BAZ2B: variants seen among roughly 807,000 people sequenced by gnomAD.
The protein encoded by BAZ2B is bromodomain adjacent to zinc finger domain 2B.
In BAZ2B, 91 loss-of-function variants were observed where a neutral mutation model predicts 246.0. The ratio of observed to expected loss-of-function variants is 0.37; its 90% CI spans 0.31 to 0.44. The LOEUF is 0.44. Among genes scored for constraint, BAZ2B ranks in the 20% least tolerant of loss-of-function variants. The pLI, the probability that BAZ2B is intolerant of heterozygous loss-of-function variation, is 1.00. For missense variants in BAZ2B, 2,332 were observed against 2,533.7 expected (o/e 0.92, Z 1.71); for synonymous variants, 855 against 860.0 (o/e 0.99, Z 0.10).
intron 1 of BAZ2B, among the ~76,000 whole-genome samples, chr2:159,595,762 A>G (rs910106703): frequency 1.3e-4 from 20 of 152,260 alleles, no homozygotes; most frequent in Admixed American, 3.9e-4. Context: ...CTATCAGTCC[A>G]TAGCCCACTC....
At chr2:159,651,829 A>G in the BAZ2B span, among the ~76,000 whole-genome samples, 1 of 152,264 alleles carries the variant, frequency 6.6e-6, no homozygotes, top group African/African-American at 2.4e-5. Context: ...CTCCTTTCAC[A>G]TAGCATAAGT....
chr2:159,580,470 C>A (rs181350060), intron 1 of BAZ2B, among the ~76,000 whole-genome samples: 2 of 152,240 alleles, frequency 1.3e-5, no homozygotes, highest in South Asian at 4.2e-4. Flanking sequence ...GAACCAATAT[C>A]GTGAAAATGG....
chr2:159,694,048 A>G, the BAZ2B span: 1 of 152,204 alleles, frequency 6.6e-6, no homozygotes, highest in African/African-American at 2.4e-5. Flanking sequence ...CTAGTACCTT[A>G]GAATGTGATT....
At chr2:159,560,727 C>T (rs1236746914) in intron 1 of BAZ2B, among the ~76,000 whole-genome samples, 1 of 152,028 alleles carries the variant, frequency 6.6e-6, no homozygotes, top group Non-Finnish European at 1.5e-5. Flanking sequence ...GGGATTTCAC[C>T]ATCTTGGCCA....
chr2:159,349,870 G>A lies in BAZ2B; in HGVS notation c.4701C>T (p.Pro1567=). Residue 1567 remains proline, a synonymous_variant, in exon 28 of 37, where the codon CCC becomes CCT. Transcript: ENST00000392783. ...RQWFSLLPRT[P]CDDTSLTHAD... ...CATGAGTAAGTGAAGTGTCATCACA[G>A]GGTGTTCGTGGCAAAAGACTAAACC... 1 of 1,614,186 alleles carries A rather than the reference G, an allele frequency of 6.2e-7. No individual in the cohort carries two copies.
At chr2:159,455,762 G>GTTTTTTTTT (rs759816186) in intron 3 of BAZ2B, among the ~76,000 whole-genome samples, 2 of 97,116 alleles carry the variant, frequency 2.1e-5, no homozygotes, top group Admixed American at 1.1e-4. Flanking sequence ...GAAATATTGT[G>GTTTTTTTTT]GTTTTTTTTT....
At chr2:159,676,068 G>A in the BAZ2B span, among the ~76,000 whole-genome samples, 1 of 152,076 alleles carries the variant, frequency 6.6e-6, no homozygotes, top group Non-Finnish European at 1.5e-5. Context: ...GCTAATATTT[G>A]TATTTTAGTA....
the BAZ2B span, among the ~76,000 whole-genome samples, chr2:159,626,157 A>G: frequency 6.6e-6 from 1 of 152,192 alleles, no homozygotes; most frequent in East Asian, 1.9e-4. Flanking sequence ...CACCCAATAC[A>G]TGAGCACCCA....
chr2:159,558,661 G>A (rs547359119), intron 1 of BAZ2B, among the ~76,000 whole-genome samples: 37 of 152,122 alleles, frequency 2.4e-4, no homozygotes, highest in African/African-American at 7.7e-4. Flanking sequence ...GGAATATGAA[G>A]AAAAAAACAG....
intron 2 of BAZ2B, among the ~76,000 whole-genome samples, chr2:159,486,841 G>A (rs2079894427): frequency 6.6e-6 from 1 of 151,912 alleles, no homozygotes; most frequent in South Asian, 2.1e-4. Flanking sequence ...TACTATGCAG[G>A]TGTTCAAAAA....
chr2:159,567,417 A>G (rs1682890770), intron 1 of BAZ2B, among the ~76,000 whole-genome samples: 2 of 152,202 alleles, frequency 1.3e-5, no homozygotes, highest in Non-Finnish European at 2.9e-5. Flanking sequence ...TTTTCTTGAA[A>G]GAAGCACAGT....
At chr2:159,692,926 A>C in the BAZ2B span, among the ~76,000 whole-genome samples, 2 of 152,142 alleles carry the variant, frequency 1.3e-5, no homozygotes, top group African/African-American at 4.8e-5. Context: ...CTCCTTTCTC[A>C]GTTTCCCAAG....
At chr2:159,407,145 G>A (rs2066072354) in intron 14 of BAZ2B, among the ~76,000 whole-genome samples, 1 of 151,832 alleles carries the variant, frequency 6.6e-6, no homozygotes, top group Admixed American at 6.6e-5. Context: ...AATAACTAAG[G>A]CTCCTAGAGG....
intron 1 of BAZ2B, among the ~76,000 whole-genome samples, chr2:159,609,621 T>C (rs548556749): frequency 1.3e-5 from 2 of 152,216 alleles, no homozygotes; most frequent in Non-Finnish European, 2.9e-5. Flanking sequence ...GTTTGTTTGG[T>C]TGATTCTGGC....
intron 2 of BAZ2B, among the ~76,000 whole-genome samples, chr2:159,549,174 A>T (rs983214879): frequency 2.6e-5 from 4 of 152,072 alleles, no homozygotes; most frequent in Admixed American, 2.6e-4. Flanking sequence ...CCAGCTACTC[A>T]GGAGGCTGAG....
At chr2:159,446,632 A>C in intron 6 of BAZ2B, 150 bp downstream of exon 6, 2 of 603,212 alleles carry the variant, frequency 3.3e-6, no homozygotes, top group Non-Finnish European at 5.6e-6. Flanking sequence ...TATTATTTAT[A>C]CTGGTACTGA....
intron 3 of BAZ2B, among the ~76,000 whole-genome samples, chr2:159,477,460 C>T (rs1444004702): frequency 1.4e-4 from 22 of 151,752 alleles, no homozygotes; most frequent in Admixed American, 1.4e-3. Context: ...AGAATGACAT[C>T]CTTTTTGTCA....
intron 3 of BAZ2B, among the ~76,000 whole-genome samples, chr2:159,468,232 G>A (rs187032903): frequency 1.2e-4 from 18 of 152,140 alleles, no homozygotes; most frequent in Admixed American, 2.6e-4. Flanking sequence ...TATCTCAGGC[G>A]GCAGGAAGTA....
At chr2:159,372,543 G>A (rs906288148) in intron 27 of BAZ2B, among the ~76,000 whole-genome samples, 2 of 152,120 alleles carry the variant, frequency 1.3e-5, no homozygotes, top group Non-Finnish European at 2.9e-5. Flanking sequence ...ATGAATTTGT[G>A]GTAACACAAA....
Sources: gnomAD v4.1 joint callset for allele counts (sites outside exome capture counted in the v4.1 genomes callset) on GRCh38, gnomAD v4.1.1 for gene constraint, MANE v1.5 for transcripts, NCBI Gene and HGNC (gene_info 2026-07-23, HGNC 2026-07-21) for gene names.